The following MAOB variants were observed in gnomAD, a reference collection of about 807,000 sequenced individuals.
MAOB encodes monoamine oxidase B, also known as amine oxidase [flavin-containing] B.
Under a neutral mutation model 41.9 loss-of-function variants are expected in MAOB, and 15 were observed. The observed-to-expected ratio is 0.36, with a 90% CI of 0.24 to 0.55. The LOEUF (loss-of-function observed/expected upper bound fraction) is 0.55, where lower values mean the gene tolerates loss of function less well. Ranked by LOEUF, MAOB falls within the 20% of genes least tolerant of loss-of-function variation. MAOB has a pLI of 0.86. For missense variants in MAOB, 345 were observed against 398.7 expected, an observed-to-expected ratio of 0.87 and a Z score of 1.15; for synonymous variants, 167 against 144.2, an observed-to-expected ratio of 1.16 and a Z score of -1.13.
rs2034314367 is a variant in MAOB, at chrX:43,780,349, C to G, written c.1072G>C (p.Glu358Gln). The G allele has an allele frequency of 8.3e-7, 1 of 1,201,986 alleles. No individual in the cohort carries two copies. The highest frequency in any genetic ancestry group is 2.2e-5 in the Admixed American group (1 of 45,495). Reference sequence around the variant, plus strand: ...CAGCATTTCTTTTGTTACCTTTCCTCTTTGGTAAGACGTGCCAGTTTTCTG... The same window carrying G: ...CAGCATTTCTTTTGTTACCTTTCCTGTTTGGTAAGACGTGCCAGTTTTCTG... ...KARKLARLTKEERLKKLCELY... is the reference protein window; with the variant it reads ...KARKLARLTKQERLKKLCELY... The change falls in exon 10 of 15, where the codon GAG becomes CAG. Residue 358 changes from glutamate to glutamine, a missense_variant. Physicochemically the swap from Glu to Gln is conservative, Grantham distance 29. Coordinates refer to ENST00000378069, the MANE Select transcript of MAOB (RefSeq NM_000898.5).
At chrX:43,802,731 A>T (rs2034611034) in intron 4 of MAOB, among the ~76,000 whole-genome samples, 1 of 109,915 alleles carries the variant, frequency 9.1e-6, no homozygotes, top group Non-Finnish European at 1.9e-5. Flanking sequence ...TTGAACAATG[A>T]AAACATATGG....
chrX:43,834,080 C>CAAATAAG (rs2035046328), intron 3 of MAOB, among the ~76,000 whole-genome samples: 1 of 111,666 alleles, frequency 9.0e-6, no homozygotes, highest in Non-Finnish European at 1.9e-5. Flanking sequence ...TTGTTTCAAA[C>CAAATAAG]AAATAAGAAA....
chrX:43,843,855 G>T, intron 1 of MAOB, 91 bp from the exon 2 acceptor site: 1 of 1,124,301 alleles, frequency 8.9e-7, no homozygotes, highest in Non-Finnish European at 1.2e-6. Context: ...AGTCCATGCT[G>T]GCTCACGTGC....
rs926500767 is a variant in MAOB, at chrX:43,810,603, T to TA, written c.280-7200dup. On this transcript the variant is annotated intron_variant, in intron 3 of 14. Coordinates refer to ENST00000378069, the MANE Select transcript of MAOB (RefSeq NM_000898.5). Reference sequence around the variant, plus strand: ...CCTAAAACTTAAAGTATAATAATAATAAAAAAAAGAATGTAAAAAAGTTAG... The same window carrying TA: ...CCTAAAACTTAAAGTATAATAATAATAAAAAAAAAGAATGTAAAAAAGTTAG... Among the ~76,000 whole-genome samples, 576 of 110,366 alleles carry TA rather than the reference T, an allele frequency of 5.2e-3. 4 individuals carry two copies. Among genetic ancestry groups the TA allele is most frequent in the African/African-American group, 0.017 (521 of 30,410 alleles).
chrX:43,793,687 T>C (rs1232570223), intron 7 of MAOB, 109 bp from the exon 8 acceptor site: 9 of 685,808 alleles, frequency 1.3e-5, no homozygotes, highest in Non-Finnish European at 1.9e-5. Flanking sequence ...CTTAAAGAAG[T>C]GACAAGGATT....
chrX:43,846,931 A>C (rs773462859), intron 1 of MAOB, among the ~76,000 whole-genome samples: 1 of 112,824 alleles, frequency 8.9e-6, no homozygotes, highest in African/African-American at 3.2e-5. Flanking sequence ...ATTGCAAAAA[A>C]AAATCATACA....
At chrX:43,836,166 A>G (rs888754339) in intron 3 of MAOB, among the ~76,000 whole-genome samples, 11 of 112,162 alleles carry the variant, frequency 9.8e-5, no homozygotes, top group Non-Finnish European at 3.8e-5. Context: ...ACTGCTTTCC[A>G]TGACACAGGA....
intron 8 of MAOB, among the ~76,000 whole-genome samples, chrX:43,782,921 G>T (rs762196663): frequency 2.7e-5 from 3 of 111,580 alleles, no homozygotes; most frequent in African/African-American, 9.8e-5. Context: ...TGCAGAAAAG[G>T]CCTTCGATAA....
At position 43,793,485 on chromosome X, in the gene MAOB, G is replaced by A. The variant is rs954304565; in HGVS notation, c.862C>T (p.Arg288Cys). The change falls in exon 8 of 15, where the codon CGT becomes TGT. Residue 288 changes from arginine (R) to cysteine (C), a missense_variant. Coordinates refer to ENST00000378069, the MANE Select transcript of MAOB (RefSeq NM_000898.5). ...LPMMRNQMIT[R>C]VPLGSVIKCI... is the part of the protein sequence containing the mutation. ...TTGATGACTGAACCCAAAGGCACACGAGTGATCATCTGGTTTCTCATCATT... is the reference window on the plus strand; with the variant it reads ...TTGATGACTGAACCCAAAGGCACACAAGTGATCATCTGGTTTCTCATCATT... 17 of 1,200,515 alleles carry A rather than the reference G, an allele frequency of 1.4e-5. No homozygotes were observed. In the East Asian group the frequency reaches 3.0e-4, roughly 21 times the overall value.
chrX:43,858,861 C>T (rs1032434683), intron 1 of MAOB, among the ~76,000 whole-genome samples: 2 of 111,772 alleles, frequency 1.8e-5, no homozygotes, highest in African/African-American at 6.5e-5. Flanking sequence ...CTGGCCAAAA[C>T]GCAGCTCGTG....
intron 1 of MAOB, among the ~76,000 whole-genome samples, chrX:43,854,274 C>T (rs73473885): frequency 0.012 from 1,366 of 112,190 alleles, 25 homozygotes; most frequent in African/African-American, 0.042. Context: ...AAATGCCCAT[C>T]ACTGATAGAT....
chrX:43,870,921 C>T (rs1260984730), intron 1 of MAOB, among the ~76,000 whole-genome samples: 2 of 110,870 alleles, frequency 1.8e-5, no homozygotes, highest in East Asian at 2.8e-4. Context: ...TCTTGTGACA[C>T]GCTGAGCAAA....
chrX:43,805,459 C>T (rs981359589), intron 3 of MAOB, among the ~76,000 whole-genome samples: 2 of 111,639 alleles, frequency 1.8e-5, no homozygotes, highest in Non-Finnish European at 3.8e-5. Context: ...CAATCCCTGT[C>T]CCCTTTCTGG....
intron 8 of MAOB, among the ~76,000 whole-genome samples, chrX:43,785,616 C>T (rs912838322): frequency 6.2e-5 from 7 of 112,676 alleles, no homozygotes; most frequent in African/African-American, 2.3e-4. Context: ...GCCTTCCTCA[C>T]TAAGCTTAAT....
Position 43,780,415 on chromosome X carries a change from A to C in MAOB, c.1026-20T>G. On this transcript the variant is annotated intron_variant, in intron 9 of 14. Coordinates refer to ENST00000378069, the MANE Select transcript of MAOB (RefSeq NM_000898.5). ...ATAAATCTAAAGAATATAAACAAGA[A>C]AAAGGGGAGAAATTAATGGTTGGTT... 8.8e-7 allele frequency: 1 copy of C among 1,132,598 alleles called. No individual in the cohort carries two copies. 93.3% of individuals were successfully genotyped at this position (1,132,598 alleles called of 1,213,427 possible).
At chrX:43,870,620 T>C (rs185602095) in intron 1 of MAOB, among the ~76,000 whole-genome samples, 5 of 107,511 alleles carry the variant, frequency 4.7e-5, no homozygotes, top group African/African-American at 1.7e-4. Flanking sequence ...ATGGTGAAAC[T>C]GCGTCTCTAC....
chrX:43,880,299 C>T (rs2035465271), intron 1 of MAOB, among the ~76,000 whole-genome samples: 1 of 112,168 alleles, frequency 8.9e-6, no homozygotes, highest in African/African-American at 3.2e-5. Flanking sequence ...ATCCCATCAC[C>T]CTTCTTGAAT....
intron 2 of MAOB, 130 bp downstream of exon 2, chrX:43,843,539 AG>A: frequency 3.8e-6 from 2 of 524,893 alleles, no homozygotes; most frequent in Non-Finnish European, 6.0e-6. Context: ...GAGGCTGTGA[AG>A]AATGTTTCAG....
At chrX:43,793,614 G>A (rs201386691) in intron 7 of MAOB, 36 bp from the exon 8 acceptor site, 367 of 1,109,885 alleles carry the variant, frequency 3.3e-4, no homozygotes, top group Non-Finnish European at 2.8e-4. Flanking sequence ...CATTGTTGCC[G>A]TGTTGCTTTT....
Sources: allele counts gnomAD v4.1 joint callset (sites outside exome capture counted in the v4.1 genomes callset), GRCh38; gene constraint gnomAD v4.1.1; transcripts MANE v1.5; gene names NCBI Gene and HGNC (gene_info 2026-07-23, HGNC 2026-07-21).